Variants in FGF12 observed in about 807,000 individuals in gnomAD.
FGF12 encodes fibroblast growth factor 12B.
In FGF12, 14 loss-of-function variants were observed where a neutral mutation model predicts 23.6. That is an observed-to-expected ratio of 0.59 (90% CI 0.39 to 0.93). FGF12 has a LOEUF of 0.93. Among genes scored for constraint, FGF12 ranks in the 40% least tolerant of loss-of-function variants. The pLI is 0.00. For synonymous variants in FGF12, 62 were observed against 77.3 expected, an observed-to-expected ratio of 0.80 and a Z score of 1.04; for missense variants, 175 against 217.8, an observed-to-expected ratio of 0.80 and a Z score of 1.24.
chr3:192,501,554 G>GT (rs1173101482), intron 2 of FGF12, among the ~76,000 whole-genome samples: 10 of 152,062 alleles, frequency 6.6e-5, no homozygotes, highest in African/African-American at 2.4e-4. Context: ...GCTAGTTAGC[G>GT]TAATAGTAAC....
chr3:192,425,654 A>C (rs1721668490), intron 2 of FGF12, among the ~76,000 whole-genome samples: 1 of 152,190 alleles, frequency 6.6e-6, no homozygotes. Context: ...ATGGAGATAT[A>C]TGATAGAAAT....
At chr3:192,440,081 G>C (rs73195321) in intron 2 of FGF12, among the ~76,000 whole-genome samples, 3,169 of 152,152 alleles carry the variant, frequency 0.021, 62 homozygotes, top group Non-Finnish European at 0.033. Context: ...AGGTACCCAG[G>C]TGAATACTTT....
intron 4 of FGF12, among the ~76,000 whole-genome samples, chr3:192,226,221 T>G (rs1202063486): frequency 6.6e-6 from 1 of 152,174 alleles, no homozygotes; most frequent in Admixed American, 6.6e-5. Context: ...CCTGGTATGC[T>G]TTTTTCCCCA....
At chr3:192,726,511 G>A (rs1016086746) in intron 2 of FGF12, among the ~76,000 whole-genome samples, 2 of 152,062 alleles carry the variant, frequency 1.3e-5, no homozygotes, top group Non-Finnish European at 2.9e-5. Flanking sequence ...TTTATCAGTT[G>A]GCATGCATAC....
At chr3:192,624,801 G>A (rs75097355) in intron 2 of FGF12, among the ~76,000 whole-genome samples, 3,299 of 152,090 alleles carry the variant, frequency 0.022, 122 homozygotes, top group African/African-American at 0.075. Flanking sequence ...TTTAAAAACC[G>A]AAAGTGTAAG....
At chr3:192,343,748 G>A (rs1358877774) in intron 3 of FGF12, among the ~76,000 whole-genome samples, 1 of 152,024 alleles carries the variant, frequency 6.6e-6, no homozygotes, top group African/African-American at 2.4e-5. Flanking sequence ...ACTTATCACA[G>A]TGCTTATTAA....
intron 2 of FGF12, among the ~76,000 whole-genome samples, chr3:192,701,512 G>A (rs143496229): frequency 6.6e-6 from 1 of 152,080 alleles, no homozygotes; most frequent in Admixed American, 6.6e-5. Context: ...ATTTTTCAAA[G>A]AATTCATGTA....
chr3:192,663,145 TA>T (rs1481973664), intron 2 of FGF12, among the ~76,000 whole-genome samples: 5 of 152,186 alleles, frequency 3.3e-5, no homozygotes, highest in Admixed American at 3.3e-4. Flanking sequence ...TCAAGTAAGG[TA>T]ATTTGTGTAG....
chr3:192,645,015 T>C (rs1715950321), intron 2 of FGF12, among the ~76,000 whole-genome samples: 1 of 152,106 alleles, frequency 6.6e-6, no homozygotes, highest in Non-Finnish European at 1.5e-5. Flanking sequence ...GAAGGAAACC[T>C]TATGGGAAAA....
intron 2 of FGF12, among the ~76,000 whole-genome samples, chr3:192,454,142 G>A (rs945233006): frequency 1.1e-4 from 16 of 152,104 alleles, no homozygotes; most frequent in South Asian, 2.1e-4. Flanking sequence ...AGGTTCAAGC[G>A]ATTCTCCTGC....
intron 2 of FGF12, among the ~76,000 whole-genome samples, chr3:192,458,120 G>C (rs1270083379): frequency 1.3e-5 from 2 of 152,194 alleles, no homozygotes; most frequent in African/African-American, 4.8e-5. Flanking sequence ...AAGATGTATG[G>C]AAACGCCTGG....
chr3:192,608,744 T>C (rs1328874609), intron 2 of FGF12, among the ~76,000 whole-genome samples: 1 of 152,162 alleles, frequency 6.6e-6, no homozygotes, highest in Non-Finnish European at 1.5e-5. Flanking sequence ...TGCTGACGGT[T>C]AAATAATTCA....
At chr3:192,174,821 C>T (rs1715768826) in intron 4 of FGF12, among the ~76,000 whole-genome samples, 1 of 151,010 alleles carries the variant, frequency 6.6e-6, no homozygotes, top group African/African-American at 2.4e-5. Flanking sequence ...GATTACAATT[C>T]TCTAAATTTC....
chr3:192,599,883 G>A (rs1370065794), intron 2 of FGF12, among the ~76,000 whole-genome samples: 1 of 152,008 alleles, frequency 6.6e-6, no homozygotes, highest in East Asian at 1.9e-4. Flanking sequence ...AAAGTTAGTG[G>A]CTAGTCTGAT....
At chr3:192,172,127 C>T (rs1009442044) in intron 4 of FGF12, among the ~76,000 whole-genome samples, 2 of 152,038 alleles carry the variant, frequency 1.3e-5, no homozygotes, top group African/African-American at 4.8e-5. Flanking sequence ...GGTAGCTTAC[C>T]TCTGTAATGC....
intron 2 of FGF12, among the ~76,000 whole-genome samples, chr3:192,376,211 G>C (rs1297474201): frequency 2.0e-5 from 3 of 151,752 alleles, no homozygotes; most frequent in Non-Finnish European, 4.4e-5. Flanking sequence ...TAATCTCTCA[G>C]AAGAATTGAT....
chr3:192,365,351 C>A (rs1404057656), intron 2 of FGF12, among the ~76,000 whole-genome samples: 3 of 150,322 alleles, frequency 2.0e-5, no homozygotes. Flanking sequence ...GACATAACAA[C>A]TAAATGTAAT....
intron 2 of FGF12, among the ~76,000 whole-genome samples, chr3:192,590,189 A>G (rs985862253): frequency 6.6e-6 from 1 of 151,918 alleles, no homozygotes; most frequent in Admixed American, 6.6e-5. Flanking sequence ...ATGAGTGTAA[A>G]ACTAGACACC....
chr3:192,462,270 G>A (rs1279121619), intron 2 of FGF12, among the ~76,000 whole-genome samples: 24 of 152,164 alleles, frequency 1.6e-4, no homozygotes, highest in Admixed American at 1.4e-3. Context: ...AATCTTCAAT[G>A]TGGCAGTATT....
Sources: gnomAD v4.1 joint callset for allele counts (sites outside exome capture counted in the v4.1 genomes callset) on GRCh38, gnomAD v4.1.1 for gene constraint, MANE v1.5 for transcripts, NCBI Gene and HGNC (gene_info 2026-07-23, HGNC 2026-07-21) for gene names.